The following XKR4 variants were observed in gnomAD, a reference collection of about 807,000 sequenced individuals.
XKR4 encodes XK related 4.
XKR4 carries 12 observed loss-of-function variants against 53.9 expected under a neutral mutation model. That is an observed-to-expected ratio of 0.22 (90% CI 0.14 to 0.36). The LOEUF is 0.36. Among genes scored for constraint, XKR4 ranks in the 10% least tolerant of loss-of-function variants. XKR4 has a pLI of 1.00. For synonymous variants in XKR4, 354 were observed against 362.4 expected, an observed-to-expected ratio of 0.98 and a Z score of 0.26; for missense variants, 799 against 859.5, an observed-to-expected ratio of 0.93 and a Z score of 0.88.
chr8:55,468,615 A>C (rs1193504794), intron 2 of XKR4, among the ~76,000 whole-genome samples: 1 of 152,174 alleles, frequency 6.6e-6, no homozygotes, highest in African/African-American at 2.4e-5. Flanking sequence ...CTTTATATCT[A>C]TTAAAAAGTT....
intron 1 of XKR4, chr8:55,140,090 CT>C: frequency 2.5e-6 from 1 of 396,652 alleles, no homozygotes; most frequent in Non-Finnish European, 4.9e-6. Flanking sequence ...AAAACAGTAC[CT>C]CTTAAGAGTT....
chr8:55,179,799 G>A (rs1817283043), intron 1 of XKR4, among the ~76,000 whole-genome samples: 1 of 152,190 alleles, frequency 6.6e-6, no homozygotes, highest in South Asian at 2.1e-4. Flanking sequence ...ATTGTCAGAA[G>A]ACTATCAGTT....
rs560976333 is a variant in XKR4 at position 55,487,224 on chromosome 8, T to C, written c.1007-36057T>C. On this transcript the variant is annotated intron_variant, in intron 2 of 2. Transcript: ENST00000327381. ...GTAAGTCTTAGAGTCTGAAGGCCAG[T>C]GAGCCTGGAGTTCTGATGTTCAAGA... 2.5e-4 allele frequency among the ~76,000 whole-genome samples: 38 copies of C among 152,300 alleles called. No individual in the cohort carries two copies. The East Asian group carries it at 7.0e-3, about 28-fold the overall frequency.
chr8:55,512,824 C>A (rs1375437241), intron 2 of XKR4, among the ~76,000 whole-genome samples: 1 of 152,114 alleles, frequency 6.6e-6, no homozygotes, highest in African/African-American at 2.4e-5. Flanking sequence ...GGGGTCTCTC[C>A]TTGAGAAACT....
chr8:55,296,131 C>T (rs1483981383), intron 1 of XKR4, among the ~76,000 whole-genome samples: 1 of 152,128 alleles, frequency 6.6e-6, no homozygotes, highest in African/African-American at 2.4e-5. Context: ...CCTGGTCACA[C>T]CTCCACCATG....
At chr8:55,471,766 T>C (rs2129400175) in intron 2 of XKR4, among the ~76,000 whole-genome samples, 1 of 152,220 alleles carries the variant, frequency 6.6e-6, no homozygotes, top group African/African-American at 2.4e-5. Flanking sequence ...TCTTGCTCAG[T>C]GAGTTCTGGG....
At chr8:55,136,181 T>TA (rs1585897421) in intron 1 of XKR4, among the ~76,000 whole-genome samples, 2 of 152,330 alleles carry the variant, frequency 1.3e-5, no homozygotes, top group East Asian at 3.9e-4. Context: ...TGTGAGCCAC[T>TA]GTGCCTGGCC....
At chr8:55,349,906 G>A (rs898127347) in intron 1 of XKR4, among the ~76,000 whole-genome samples, 3 of 152,088 alleles carry the variant, frequency 2.0e-5, no homozygotes, top group African/African-American at 7.2e-5. Context: ...GTTTATTACA[G>A]CATTGTTTAT....
chr8:55,429,438 G>A (rs1281301255), intron 2 of XKR4, among the ~76,000 whole-genome samples: 3 of 152,184 alleles, frequency 2.0e-5, no homozygotes, highest in Admixed American at 6.5e-5. Flanking sequence ...GGTCGGGTGC[G>A]GTGGCTCATG....
intron 1 of XKR4, among the ~76,000 whole-genome samples, chr8:55,178,370 G>T (rs141325471): frequency 6.6e-6 from 1 of 152,064 alleles, no homozygotes; most frequent in African/African-American, 2.4e-5. Context: ...GACTCTCCCC[G>T]TCTGTAAAAT....
intron 1 of XKR4, among the ~76,000 whole-genome samples, chr8:55,325,188 C>T (rs1803274801): frequency 6.6e-6 from 1 of 152,044 alleles, no homozygotes. Context: ...GTAATTTTAG[C>T]ACAAAGAATA....
intron 2 of XKR4, among the ~76,000 whole-genome samples, chr8:55,462,833 A>T (rs999993822): frequency 2.6e-5 from 4 of 152,170 alleles, no homozygotes; most frequent in Non-Finnish European, 5.9e-5. Context: ...TCCTAGTCTC[A>T]GGTAAAACAG....
intron 1 of XKR4, among the ~76,000 whole-genome samples, chr8:55,291,667 A>G (rs565997970): frequency 6.6e-6 from 1 of 152,124 alleles, no homozygotes; most frequent in Non-Finnish European, 1.5e-5. Flanking sequence ...CATTACATGT[A>G]TGTAGAAATA....
intron 1 of XKR4, among the ~76,000 whole-genome samples, chr8:55,305,764 C>A (rs1819287809): frequency 6.6e-6 from 1 of 152,112 alleles, no homozygotes; most frequent in Non-Finnish European, 1.5e-5. Context: ...TCCCAACCCA[C>A]CAAGCTCAAT....
In XKR4 at chr8:55,244,011, C is replaced by A. The variant is rs547974582; in HGVS notation, c.807-113667C>A. Among the ~76,000 whole-genome samples the A allele has an allele frequency of 1.1e-4, 17 of 152,314 alleles. No homozygotes were observed. In the South Asian group the frequency reaches 2.9e-3, roughly 26 times the overall value. On this transcript the variant is annotated intron_variant, in intron 1 of 2. Transcript: ENST00000327381. ...TAGTCAGTGGCTACTTTTGAAAAAACCAAATATCCAATATTCTGGTTCTTA... is the reference window on the plus strand; with the variant it reads ...TAGTCAGTGGCTACTTTTGAAAAAAACAAATATCCAATATTCTGGTTCTTA...
chr8:55,500,557 T>C (rs1023876315), intron 2 of XKR4, among the ~76,000 whole-genome samples: 2 of 152,190 alleles, frequency 1.3e-5, no homozygotes, highest in African/African-American at 4.8e-5. Flanking sequence ...CAGGAGACCC[T>C]TATGGAAATT....
chr8:55,167,301 C>T (rs1473018594), intron 1 of XKR4, among the ~76,000 whole-genome samples: 8 of 152,196 alleles, frequency 5.3e-5, no homozygotes, highest in East Asian at 1.9e-4. Flanking sequence ...TGAGATTCAG[C>T]GAAGCTGTGT....
intron 2 of XKR4, among the ~76,000 whole-genome samples, chr8:55,480,751 A>G (rs1164580848): frequency 3.1e-5 from 4 of 128,898 alleles, no homozygotes. Flanking sequence ...ATTCTTATAC[A>G]CCAAAAACAG....
intron 2 of XKR4, among the ~76,000 whole-genome samples, chr8:55,401,020 T>C (rs1308661280): frequency 6.6e-6 from 1 of 152,212 alleles, no homozygotes; most frequent in Non-Finnish European, 1.5e-5. Context: ...TACATGCTGC[T>C]CATGCTGTTC....
Sources: gnomAD v4.1 joint callset for allele counts (sites outside exome capture counted in the v4.1 genomes callset) on GRCh38, gnomAD v4.1.1 for gene constraint, MANE v1.5 for transcripts, NCBI Gene and HGNC (gene_info 2026-07-23, HGNC 2026-07-21) for gene names.